Variants in PCDH11X observed in about 807,000 individuals in gnomAD.
PCDH11X encodes protocadherin 11 X-linked.
Under a neutral mutation model 53.3 loss-of-function variants are expected in PCDH11X, and 18 were observed. The observed-to-expected ratio is 0.34, with a 90% confidence interval of 0.23 to 0.50. The LOEUF (loss-of-function observed/expected upper bound fraction) is 0.50, where lower values mean the gene tolerates loss of function less well. Ranked by LOEUF, PCDH11X falls within the 20% of genes least tolerant of loss-of-function variation. PCDH11X has a pLI of 0.98. For synonymous variants in PCDH11X, 279 were observed against 393.3 expected (o/e 0.71, Z 3.44); for missense variants, 570 against 1,032.4 (o/e 0.55, Z 6.14).
chrX:91,855,468 T>C (rs1938274005), intron 5 of PCDH11X, among the ~76,000 whole-genome samples: 1 of 108,543 alleles, frequency 9.2e-6, no homozygotes, highest in Non-Finnish European at 1.9e-5. Flanking sequence ...CAGGATAGCT[T>C]TGTCTATACT....
chrX:92,406,798 G>A (rs2071528382), intron 9 of PCDH11X, among the ~76,000 whole-genome samples: 1 of 107,319 alleles, frequency 9.3e-6, no homozygotes, highest in Non-Finnish European at 1.9e-5. Flanking sequence ...GTGGCAGTGG[G>A]CACCTGTAAT....
chrX:92,414,030 G>A (rs2071749592), intron 9 of PCDH11X, among the ~76,000 whole-genome samples: 1 of 108,129 alleles, frequency 9.2e-6, no homozygotes, highest in South Asian at 4.2e-4. Flanking sequence ...AAGAAGTGCT[G>A]GTCTGTTGTT....
intron 8 of PCDH11X, among the ~76,000 whole-genome samples, chrX:92,352,299 CTT>C (rs1439088260): frequency 8.9e-6 from 1 of 111,761 alleles, no homozygotes; most frequent in African/African-American, 3.2e-5. Flanking sequence ...CTGATGTCAA[CTT>C]AGTTGCTATT....
intron 9 of PCDH11X, among the ~76,000 whole-genome samples, chrX:92,435,444 A>G (rs774849485): frequency 9.0e-6 from 1 of 110,567 alleles, no homozygotes; most frequent in African/African-American, 3.3e-5. Flanking sequence ...GAGAACCCCT[A>G]AAAAATCAGA....
At chrX:92,429,814 G>T (rs2072209937) in intron 9 of PCDH11X, among the ~76,000 whole-genome samples, 1 of 92,373 alleles carries the variant, frequency 1.1e-5, no homozygotes, top group South Asian at 5.9e-4. Context: ...TTGATAAGGA[G>T]AAAAGGTTTA....
chrX:92,196,836 G>T (rs936697079), intron 6 of PCDH11X, among the ~76,000 whole-genome samples: 1 of 110,481 alleles, frequency 9.1e-6, no homozygotes, highest in African/African-American at 3.3e-5. Context: ...GATAGAGGTG[G>T]AGAGAGAATG....
At chrX:91,835,042 T>C in intron 4 of PCDH11X, 1 of 739,294 alleles carries the variant, frequency 1.4e-6, no homozygotes, top group Non-Finnish European at 1.6e-6. Context: ...AAGAGAATAA[T>C]TGCATTTTAA....
At chrX:92,329,406 A>T (rs1445569531) in intron 8 of PCDH11X, among the ~76,000 whole-genome samples, 1 of 111,266 alleles carries the variant, frequency 9.0e-6, no homozygotes, top group Non-Finnish European at 1.9e-5. Flanking sequence ...ACCACTATGG[A>T]GATCAGTTAG....
intron 10 of PCDH11X, among the ~76,000 whole-genome samples, chrX:92,553,980 A>G (rs1464586693): frequency 9.0e-6 from 1 of 111,278 alleles, no homozygotes; most frequent in East Asian, 2.8e-4. Flanking sequence ...TTATTTACAC[A>G]GAGTCAGTTT....
At chrX:92,123,122 C>G (rs1216144672) in intron 6 of PCDH11X, among the ~76,000 whole-genome samples, 1 of 111,076 alleles carries the variant, frequency 9.0e-6, no homozygotes, top group Non-Finnish European at 1.9e-5. Flanking sequence ...CCTGAAATTC[C>G]TGTCCCAATC....
intron 10 of PCDH11X, among the ~76,000 whole-genome samples, chrX:92,575,905 G>GTATATATATATA (rs58574424): frequency 3.9e-5 from 1 of 25,834 alleles, no homozygotes; most frequent in Non-Finnish European, 6.2e-5. Flanking sequence ...TACCTGGTGT[G>GTATATATATATA]TATATATATA....
chrX:92,153,145 A>G (rs2065470072), intron 6 of PCDH11X, among the ~76,000 whole-genome samples: 1 of 110,551 alleles, frequency 9.0e-6, no homozygotes, highest in African/African-American at 3.3e-5. Flanking sequence ...AGGTTTTCCC[A>G]AGGGGGTATA....
At chrX:92,268,304 T>TG (rs912144430) in intron 8 of PCDH11X, among the ~76,000 whole-genome samples, 10 of 110,271 alleles carry the variant, frequency 9.1e-5, no homozygotes, top group African/African-American at 3.3e-4. Context: ...TGTTTTGTTT[T>TG]TTTTTTAAGA....
At chrX:92,094,727 G>A (rs34475265) in intron 6 of PCDH11X, among the ~76,000 whole-genome samples, 3 of 111,645 alleles carry the variant, frequency 2.7e-5, no homozygotes, top group Non-Finnish European at 5.7e-5. Context: ...TTTAACAACA[G>A]AATTCACTAG....
chrX:92,403,779 G>A (rs1054821382), intron 9 of PCDH11X, among the ~76,000 whole-genome samples: 5 of 111,575 alleles, frequency 4.5e-5, no homozygotes, highest in African/African-American at 1.6e-4. Flanking sequence ...AATAAGCAAA[G>A]CTTTGTCTTC....
rs1170462143 is a variant in PCDH11X at position 91,981,021 on chromosome X, AAT to A, written c.3033+101762_3033+101763del. Among the ~76,000 whole-genome samples the A allele has an allele frequency of 4.2e-3, 401 of 96,128 alleles. 3 individuals carry two copies. In the East Asian group the frequency reaches 0.048, roughly 12 times the overall value. 83.5% of individuals were successfully genotyped at this position (96,128 alleles called of 115,157 possible). ...ACACTGAATATATATATATACACTGAATATATATATATATACACTGAATATAT... is the reference window on the plus strand; with the variant it reads ...ACACTGAATATATATATATACACTGAATATATATATATACACTGAATATAT... On this transcript the variant is annotated intron_variant, in intron 6 of 10. Transcript: ENST00000682573.
At chrX:92,584,101 C>A (rs1380257028) in intron 10 of PCDH11X, among the ~76,000 whole-genome samples, 10 of 110,064 alleles carry the variant, frequency 9.1e-5, no homozygotes, top group African/African-American at 3.0e-4. Flanking sequence ...TAAAATATAT[C>A]AAAATTTATG....
chrX:92,309,470 G>A (rs1298116683), intron 8 of PCDH11X, among the ~76,000 whole-genome samples: 2 of 111,461 alleles, frequency 1.8e-5, no homozygotes, highest in Non-Finnish European at 3.8e-5. Flanking sequence ...GAAATAGAAA[G>A]TAAGATGGTT....
intron 7 of PCDH11X, among the ~76,000 whole-genome samples, chrX:92,202,652 G>A (rs1467768194): frequency 8.9e-6 from 1 of 111,800 alleles, no homozygotes; most frequent in Admixed American, 9.5e-5. Context: ...ACTTATTTTG[G>A]TCAGGACAGC....
Sources: gnomAD v4.1 joint callset for allele counts (sites outside exome capture counted in the v4.1 genomes callset) on GRCh38, gnomAD v4.1.1 for gene constraint, MANE v1.5 for transcripts, NCBI Gene and HGNC (gene_info 2026-07-23, HGNC 2026-07-21) for gene names.